RAP1GDS1: variants seen among roughly 807,000 people sequenced by gnomAD.
RAP1GDS1 encodes Rap1 GTPase-GDP dissociation stimulator 1.
Under a neutral mutation model 71.1 loss-of-function variants are expected in RAP1GDS1, and 35 were observed. The observed-to-expected ratio is 0.49, with a 90% CI of 0.38 to 0.65. RAP1GDS1 has a LOEUF of 0.65. Ranked by LOEUF, RAP1GDS1 falls within the 30% of genes least tolerant of loss-of-function variation. The pLI is 0.00. For synonymous variants in RAP1GDS1, 229 were observed against 243.1 expected, an observed-to-expected ratio of 0.94 and a Z score of 0.54; for missense variants, 663 against 706.1, an observed-to-expected ratio of 0.94 and a Z score of 0.69.
chr4:98,374,785 T>A (rs892709378), intron 4 of RAP1GDS1, among the ~76,000 whole-genome samples: 1 of 152,128 alleles, frequency 6.6e-6, no homozygotes, highest in African/African-American at 2.4e-5. Context: ...GCTGGAGGAC[T>A]TTCCTTAGTG....
chr4:98,394,611 T>C (rs918674099), intron 6 of RAP1GDS1, among the ~76,000 whole-genome samples: 1 of 152,130 alleles, frequency 6.6e-6, no homozygotes, highest in African/African-American at 2.4e-5. Context: ...GTGATTTATT[T>C]AGTAATACTA....
intron 12 of RAP1GDS1, 66 bp from the exon 13 acceptor site, chr4:98,433,870 G>A: frequency 6.8e-7 from 1 of 1,465,236 alleles, no homozygotes; most frequent in Non-Finnish European, 9.4e-7. Flanking sequence ...TGAGTTGACT[G>A]ATTTTAATGC....
intron 2 of RAP1GDS1, among the ~76,000 whole-genome samples, chr4:98,323,484 G>C (rs1157511334): frequency 8.0e-6 from 1 of 125,726 alleles, no homozygotes; most frequent in African/African-American, 3.2e-5. Flanking sequence ...GAGAATTTTA[G>C]ACCAATATCC....
Position 98,266,102 on chromosome 4 carries a change from T to C in RAP1GDS1, c.4+4533T>C, listed in dbSNP as rs181848908. ...TTAGAAAATATTTTAAAATTTTAAA[T>C]GTATTTTAATTTACAAATTAAAAAA... is the stretch of plus-strand genomic sequence containing the variant. On this transcript the variant is annotated intron_variant, in intron 1 of 14. Coordinates refer to ENST00000408927, the MANE Select transcript of RAP1GDS1 (RefSeq NM_001100427.2). Among the ~76,000 whole-genome samples the C allele has an allele frequency of 2.4e-3, 368 of 152,264 alleles. 1 individual carries two copies. The highest frequency in any genetic ancestry group is 4.5e-3 in the Non-Finnish European group (306 of 67,970).
chr4:98,344,301 T>C (rs1235088202), intron 3 of RAP1GDS1, among the ~76,000 whole-genome samples: 1 of 152,170 alleles, frequency 6.6e-6, no homozygotes, highest in Non-Finnish European at 1.5e-5. Flanking sequence ...TTTCCAGACA[T>C]TGCTTGTTAA....
chr4:98,326,922 C>G (rs1282029928), intron 2 of RAP1GDS1, among the ~76,000 whole-genome samples: 1 of 152,080 alleles, frequency 6.6e-6, no homozygotes, highest in Non-Finnish European at 1.5e-5. Context: ...TTTTTCTACT[C>G]TGATACAAGC....
Position 98,352,574 on chromosome 4 carries a change from G to A in RAP1GDS1, c.334G>A (p.Ala112Thr), listed in dbSNP as rs773470843. Residue 112 changes from alanine to threonine, a missense_variant, in exon 4 of 15, where the codon GCT (alanine) becomes ACT (threonine). Physicochemically the swap from Ala to Thr is moderately conservative, Grantham distance 58 (BLOSUM62 0). Transcript: ENST00000408927. The stretch of plus-strand genomic sequence containing the variant: ...GGAAGTGCTGCTTCAAACGGGCAGG[G>A]CTCTAGGAAACATATGTTACGATAG... ...DQEVLLQTGR[A>T]LGNICYDSHE... The A allele has an allele frequency of 1.2e-6, 2 of 1,613,934 alleles. No individual in the cohort carries two copies. Among genetic ancestry groups the A allele is most frequent in the Admixed American group, 1.7e-5 (1 of 59,994 alleles).
chr4:98,381,582 T>G (rs1319642554), intron 5 of RAP1GDS1, among the ~76,000 whole-genome samples: 1 of 151,564 alleles, frequency 6.6e-6, no homozygotes, highest in Non-Finnish European at 1.5e-5. Context: ...AAACAAAAAA[T>G]AACAGCTTTT....
chr4:98,380,824 T>A (rs1741892519), intron 5 of RAP1GDS1, among the ~76,000 whole-genome samples: 1 of 151,758 alleles, frequency 6.6e-6, no homozygotes, highest in South Asian at 2.1e-4. Flanking sequence ...TTTTAAGAAG[T>A]TATTCCAGTT....
At chr4:98,320,486 G>A (rs932041809) in intron 2 of RAP1GDS1, among the ~76,000 whole-genome samples, 5 of 152,334 alleles carry the variant, frequency 3.3e-5, no homozygotes, top group South Asian at 2.1e-4. Flanking sequence ...AGCTCCCAGC[G>A]TGAGCAACGC....
At chr4:98,441,601 CT>C in intron 14 of RAP1GDS1, 1 of 984,878 alleles carries the variant, frequency 1.0e-6, no homozygotes, top group South Asian at 4.7e-5. Flanking sequence ...TCTCGTTTTT[CT>C]TTTTAAAAAT....
chr4:98,387,387 T>G (rs962513916), intron 5 of RAP1GDS1: 13 of 455,238 alleles, frequency 2.9e-5, no homozygotes, highest in Non-Finnish European at 4.9e-5. Context: ...AACATTAAAC[T>G]TAAAACTCAG....
chr4:98,353,251 C>G (rs1365453559), intron 4 of RAP1GDS1, among the ~76,000 whole-genome samples: 1 of 152,190 alleles, frequency 6.6e-6, no homozygotes, highest in Non-Finnish European at 1.5e-5. Flanking sequence ...GTATATTTAG[C>G]TTAACTAGGC....
chr4:98,261,445 C>G lies in RAP1GDS1; in HGVS notation c.-121C>G. The G allele has an allele frequency of 9.5e-7, 1 of 1,047,150 alleles. No individual in the cohort carries two copies. The highest frequency in any genetic ancestry group is 2.4e-5 in the South Asian group (1 of 41,528). The allele number at this position is 1,047,150 out of a possible 1,614,324, so 64.9% of individuals were successfully genotyped here. On this transcript the variant is annotated 5_prime_UTR_variant, in exon 1 of 15. Coordinates refer to ENST00000408927, the MANE Select transcript of RAP1GDS1 (RefSeq NM_001100427.2). ...ACCAGCTGCTCCTCCCCGGCGGCCG[C>G]CCCCCGCGGGTCCCTCCCTGGCTGC...
At chr4:98,439,946 T>G (rs10030765) in intron 14 of RAP1GDS1, among the ~76,000 whole-genome samples, 22,488 of 152,180 alleles carry the variant, frequency 0.15, 2,477 homozygotes, top group African/African-American at 0.3. Context: ...CAGAACCACC[T>G]TCATTTTCCC....
chr4:98,326,698 C>T (rs73834431), intron 2 of RAP1GDS1, among the ~76,000 whole-genome samples: 6 of 152,094 alleles, frequency 3.9e-5, no homozygotes, highest in Non-Finnish European at 7.4e-5. Flanking sequence ...AACCCTTCTC[C>T]TTTGGGGAAG....
chr4:98,377,628 T>TTGTGTGTGTGTGTGTGTG (rs58691883), intron 4 of RAP1GDS1, among the ~76,000 whole-genome samples: 2 of 149,284 alleles, frequency 1.3e-5, no homozygotes, highest in African/African-American at 4.9e-5. Flanking sequence ...TACTATATAA[T>TTGTGTGTGTGTGTGTGTG]TGTGTGTGTG....
At chr4:98,293,552 A>T in intron 2 of RAP1GDS1, 37 bp downstream of exon 2, 1 of 1,483,008 alleles carries the variant, frequency 6.7e-7, no homozygotes, top group African/African-American at 1.4e-5. Flanking sequence ...TCCAAAGAAG[A>T]AAATCAAATC....
At chr4:98,276,081 A>G (rs1724156883) in intron 1 of RAP1GDS1, among the ~76,000 whole-genome samples, 1 of 152,122 alleles carries the variant, frequency 6.6e-6, no homozygotes, top group Non-Finnish European at 1.5e-5. Flanking sequence ...GAAGTTCAAG[A>G]TCAAGGTGCT....
Sources: allele counts gnomAD v4.1 joint callset (sites outside exome capture counted in the v4.1 genomes callset), GRCh38; gene constraint gnomAD v4.1.1; transcripts MANE v1.5; gene names NCBI Gene and HGNC (gene_info 2026-07-23, HGNC 2026-07-21).